DNAH2: variants seen among roughly 807,000 people sequenced by gnomAD.
DNAH2 encodes axonemal beta dynein heavy chain 2.
DNAH2 carries 323 observed loss-of-function variants against 523.5 expected under a neutral mutation model. The ratio of observed to expected loss-of-function variants is 0.62; its 90% CI spans 0.56 to 0.68. The LOEUF is 0.68. DNAH2 is among the 30% of genes least tolerant of loss of function. The pLI is 0.00. For synonymous variants in DNAH2, 2,093 were observed against 2,177.4 expected (o/e 0.96, Z 1.08); for missense variants, 4,907 against 5,701.5 (o/e 0.86, Z 4.49).
chr17:7,791,479 C>A (rs1402175247), intron 44 of DNAH2, among the ~76,000 whole-genome samples: 1 of 152,206 alleles, frequency 6.6e-6, no homozygotes, highest in African/African-American at 2.4e-5. Flanking sequence ...AGATTCATTT[C>A]ATTGCTTTAA....
In DNAH2 at chr17:7,815,567, CAT is replaced by C. The variant is rs556802566; in HGVS notation, c.9730-1000_9730-999del. On this transcript the variant is annotated intron_variant, in intron 63 of 85. Transcript: ENST00000572933. ...ACACACATATACAGGATCATACACA[CAT>C]ATACAGGATCACACACACATATACA... Among the ~76,000 whole-genome samples, 313 of 151,818 alleles carry C rather than the reference CAT, an allele frequency of 2.1e-3. 2 individuals carry two copies. Among genetic ancestry groups the C allele is most frequent in the African/African-American group, 7.1e-3 (293 of 41,378 alleles).
In DNAH2 at chr17:7,774,068, T is replaced by C. The variant is rs116450839; in HGVS notation, c.4502-691T>C. 6.6e-4 allele frequency among the ~76,000 whole-genome samples: 100 copies of C among 152,186 alleles called. 1 individual carries two copies. Among genetic ancestry groups the C allele is most frequent in the African/African-American group, 2.4e-3 (98 of 41,532 alleles). On this transcript the variant is annotated intron_variant, in intron 28 of 85. Transcript: ENST00000572933. ...TTACTGTAGATCTCAGCAAACTCAGTTGAGAACTTTCACCTTTTCACTTAA... is the reference window on the plus strand; with the variant it reads ...TTACTGTAGATCTCAGCAAACTCAGCTGAGAACTTTCACCTTTTCACTTAA...
chr17:7,826,535 CTTTTTTTT>C (rs35943055), intron 77 of DNAH2, among the ~76,000 whole-genome samples: 1 of 111,228 alleles, frequency 9.0e-6, no homozygotes, highest in Admixed American at 1.1e-4. Flanking sequence ...TGCCCATCAT[CTTTTTTTT>C]TTTTTTTTTT....
Position 7,807,119 on chromosome 17 carries a change from CT to C in DNAH2, c.9443-30del. On this transcript the variant is annotated intron_variant, in intron 61 of 85. Transcript: ENST00000572933. This position sits in a 1 kb window ranked among gnomAD's most constrained non-coding sequence, Gnocchi z 5.6. The stretch of plus-strand genomic sequence containing the variant: ...GGACAAGGAGGATGGCATTAAGCCT[CT>C]GGCTAAGGCCCCTAATTTTCATCCC... 2 of 1,593,720 alleles carry C rather than the reference CT, an allele frequency of 1.3e-6. No homozygotes were observed. Among genetic ancestry groups the C allele is most frequent in the Non-Finnish European group, 1.7e-6 (2 of 1,175,788 alleles).
chr17:7,781,423 A>C (rs1302922762), intron 39 of DNAH2, among the ~76,000 whole-genome samples: 2 of 152,110 alleles, frequency 1.3e-5, no homozygotes, highest in Non-Finnish European at 2.9e-5. Context: ...GGCTATAATG[A>C]GCTGAGATTG....
chr17:7,823,736 C>T (rs1424070888), intron 74 of DNAH2, 98 bp from the exon 75 acceptor site: 2 of 1,579,466 alleles, frequency 1.3e-6, no homozygotes, highest in Non-Finnish European at 1.7e-6. Context: ...TGCCTGCCTC[C>T]TGGCCCGGAG....
At chr17:7,728,984 C>CA (rs575555560) in intron 4 of DNAH2, among the ~76,000 whole-genome samples, 157 of 144,770 alleles carry the variant, frequency 1.1e-3, no homozygotes, top group African/African-American at 2.3e-3. Flanking sequence ...GACCCTGTCT[C>CA]AAAAAAAAAT....
chr17:7,803,918 C>T (rs2077291459), intron 58 of DNAH2, among the ~76,000 whole-genome samples: 1 of 152,212 alleles, frequency 6.6e-6, no homozygotes, highest in African/African-American at 2.4e-5. Flanking sequence ...GGCTGCCTGC[C>T]CTGGGCCAGC....
chr17:7,791,392 A>T (rs1320771482), intron 44 of DNAH2, among the ~76,000 whole-genome samples: 1 of 152,008 alleles, frequency 6.6e-6, no homozygotes, highest in African/African-American at 2.4e-5. Context: ...ATTTTTTTTT[A>T]AAACTATATC....
Position 7,832,999 on chromosome 17 carries a change from G to GA in DNAH2, c.12979-71dup. 1 of 1,613,510 alleles carries GA rather than the reference G, an allele frequency of 6.2e-7. No homozygotes were observed. The highest frequency in any genetic ancestry group is 8.5e-7 in the Non-Finnish European group (1 of 1,179,760). ...GAAATAATTGGACGAAAAGGGAGGA[G>GA]AGAGGGAGCAGGTCAGGGGCGCTGG... On this transcript the variant is annotated intron_variant, in intron 84 of 85. Coordinates refer to ENST00000572933, the MANE Select transcript of DNAH2 (RefSeq NM_020877.5). The surrounding 1 kb of genome is among the most constrained non-coding windows in gnomAD (Gnocchi z 4.3).
chr17:7,727,288 T>G lies in DNAH2; in HGVS notation c.395T>G (p.Val132Gly). ...FGLKLELGMPVQTQNQLVYFI... is the reference protein window; with the variant it reads ...FGLKLELGMPGQTQNQLVYFI... ...CTGAAGCTAGAGCTGGGCATGCCTG[T>G]ACAGGTGCGTACCCTACATTCCCAG... Residue 132 changes from valine (V) to glycine (G), a missense_variant, in exon 4 of 86, where the codon GTA (valine) becomes GGA (glycine). Val to Gly is a moderately radical substitution (Grantham distance 109). This residue lies in a region of DNAH2 where 2,806 missense variants were observed against 3,190.8 expected (regional missense o/e 0.88). Coordinates refer to ENST00000572933, the MANE Select transcript of DNAH2 (RefSeq NM_020877.5). 6.2e-7 allele frequency: 1 copy of G among 1,606,468 alleles called. No homozygotes were observed. The highest frequency in any genetic ancestry group is 1.1e-5 in the South Asian group (1 of 89,602).
chr17:7,779,953 G>A (rs186802838), intron 36 of DNAH2, among the ~76,000 whole-genome samples: 1 of 152,296 alleles, frequency 6.6e-6, no homozygotes, highest in Non-Finnish European at 1.5e-5. Context: ...AGAAAGTAAG[G>A]AAAGGACCAG....
chr17:7,797,176 G>A lies in DNAH2; in HGVS notation c.7864G>A (p.Val2622Met). 1 of 1,613,358 alleles carries A rather than the reference G, an allele frequency of 6.2e-7. No individual in the cohort carries two copies. Among genetic ancestry groups the A allele is most frequent in the Non-Finnish European group, 8.5e-7 (1 of 1,179,830 alleles). Residue 2622 changes from valine to methionine, a missense_variant and splice_region_variant, in exon 51 of 86, where the codon GTG becomes ATG. Transcript: ENST00000572933. The stretch of plus-strand genomic sequence containing the variant: ...TCCCAACAGTCAGTCCTCTTCCCAG[G>A]TGTTCCAGGGCATGCTTAGAGCCAA... ...YLFNLRDISK[V>M]FQGMLRANKD...
rs752721781 is a variant in DNAH2, at chr17:7,817,686, C to T, written c.10146C>T (p.Gly3382=). Residue 3382 remains glycine, a synonymous_variant, in exon 66 of 86, where the codon GGC becomes GGT. Transcript: ENST00000572933. ...LPSDAFSTEN[G]IIVTRGNRWA... ...CAGACGCCTTCTCCACTGAGAATGG[C>T]ATCATCGTCACCCGAGGCAACAGGT... The T allele has an allele frequency of 2.1e-5, 34 of 1,614,060 alleles. No homozygotes were observed. Among genetic ancestry groups the T allele is most frequent in the Admixed American group, 3.3e-5 (2 of 60,006 alleles).
In DNAH2 at chr17:7,776,903, C is replaced by T. The variant is rs1001761736; in HGVS notation, c.5058+14C>T. On this transcript the variant is annotated intron_variant, in intron 32 of 85. Coordinates refer to ENST00000572933, the MANE Select transcript of DNAH2 (RefSeq NM_020877.5). Reference sequence around the variant, plus strand: ...AAGAAGAACCAGGTGAGAGGCTGGGCGCACTGGCTCATGCTTGTAATCCCA... The same window carrying T: ...AAGAAGAACCAGGTGAGAGGCTGGGTGCACTGGCTCATGCTTGTAATCCCA... The T allele has an allele frequency of 1.9e-5, 31 of 1,594,218 alleles. No homozygotes were observed. The highest frequency in any genetic ancestry group is 2.4e-5 in the Non-Finnish European group (28 of 1,165,474).
In DNAH2 at chr17:7,743,076, G is replaced by C. The variant is rs1292795971; in HGVS notation, c.1838G>C (p.Arg613Pro). 6.5e-7 allele frequency: 1 copy of C among 1,542,232 alleles called. No individual in the cohort carries two copies. Among genetic ancestry groups the C allele is most frequent in the East Asian group, 2.2e-5 (1 of 44,456 alleles). The change falls in exon 12 of 86, where the codon CGG (arginine) becomes CCG (proline). Residue 613 changes from arginine to proline, a missense_variant. By Grantham distance (103) the Arg-to-Pro change is moderately radical. Around this residue, in one of 3 missense-constraint regions of DNAH2, gnomAD observed 2,806 missense variants for 3,190.8 expected, o/e 0.88. Transcript: ENST00000572933. ...AGTCTGGACAAGGATTGCATTCGGC[G>C]GTTGGATACCCCATTGCTGCGAATC... ...TSSLDKDCIR[R>P]LDTPLLRISQ...
chr17:7,741,267 T>TTTCTTTCTTTC (rs2075317434), intron 11 of DNAH2, among the ~76,000 whole-genome samples: 1 of 47,386 alleles, frequency 2.1e-5, no homozygotes, highest in Non-Finnish European at 3.6e-5. Flanking sequence ...TCTTTCTTTC[T>TTTCTTTCTTTC]TTCTTTCTTT....
intron 74 of DNAH2, 39 bp downstream of exon 74, chr17:7,823,667 C>T (rs2077931010): frequency 6.2e-7 from 1 of 1,604,442 alleles, no homozygotes; most frequent in Non-Finnish European, 8.5e-7. Context: ...TTTTCTCCTT[C>T]CCTCCATTCA....
intron 63 of DNAH2, among the ~76,000 whole-genome samples, chr17:7,813,170 A>C (rs1357665225): frequency 6.6e-6 from 1 of 152,182 alleles, no homozygotes; most frequent in Non-Finnish European, 1.5e-5. Context: ...AAAAATTCAC[A>C]AAGTAAAATT....
Sources: gnomAD v4.1 joint callset for allele counts (sites outside exome capture counted in the v4.1 genomes callset) on GRCh38, gnomAD v4.1.1 for gene constraint, gnomAD v4.1.1 regional missense constraint, Gnocchi (gnomAD v3.1) non-coding constraint, MANE v1.5 for transcripts, NCBI Gene and HGNC (gene_info 2026-07-23, HGNC 2026-07-21) for gene names.